The following RASA1 variants were observed in gnomAD, a reference collection of about 807,000 sequenced individuals.
The protein encoded by RASA1 is ras GTPase-activating protein 1.
RASA1 carries 25 observed loss-of-function variants against 132.2 expected under a neutral mutation model. The observed-to-expected ratio is 0.19, with a 90% confidence interval of 0.14 to 0.26. The LOEUF is 0.26. Ranked by LOEUF, RASA1 falls within the 10% of genes least tolerant of loss-of-function variation. The pLI, the probability that RASA1 is intolerant of heterozygous loss-of-function variation, is 1.00. For synonymous variants in RASA1, 477 were observed against 449.9 expected (o/e 1.06, Z -0.76); for missense variants, 964 against 1,299.2 (o/e 0.74, Z 3.97).
intron 1 of RASA1, chr5:87,294,055 G>A (rs1322084094): frequency 6.6e-6 from 1 of 151,866 alleles, no homozygotes; most frequent in Admixed American, 6.6e-5. Context: ...TTGATTTCCT[G>A]TTATCAATTC....
chr5:87,361,954 T>C (rs1760131446), intron 9 of RASA1, among the ~76,000 whole-genome samples: 1 of 152,168 alleles, frequency 6.6e-6, no homozygotes, highest in African/African-American at 2.4e-5. Flanking sequence ...AGCATGGGAA[T>C]GTTGCAGAGT....
In RASA1 at chr5:87,383,924, C is replaced by T. The variant is rs1486233680; in HGVS notation, c.2758+144C>T. On this transcript the variant is annotated intron_variant, in intron 21 of 24. Transcript: ENST00000274376. ...ATATGAAGTATTCCAAAGCACCCTTCCTTCCTTGTGCTTGTGCTTCTTGGG... is the reference window on the plus strand; with the variant it reads ...ATATGAAGTATTCCAAAGCACCCTTTCTTCCTTGTGCTTGTGCTTCTTGGG... 8 of 737,802 alleles carry T rather than the reference C, an allele frequency of 1.1e-5. No individual in the cohort carries two copies. In the Admixed American group the frequency reaches 1.1e-4, roughly 10 times the overall value. The allele number at this position is 737,802 out of a possible 1,614,324, so 45.7% of individuals were successfully genotyped here. A position where few individuals can be genotyped will look rare whatever the true frequency, so the allele number is the denominator to read the frequency against.
chr5:87,381,169 G>A (rs571179776), intron 20 of RASA1, among the ~76,000 whole-genome samples: 2 of 152,152 alleles, frequency 1.3e-5, no homozygotes, highest in Non-Finnish European at 1.5e-5. Flanking sequence ...GGGAGCTTAC[G>A]TAAGGTTACT....
In RASA1 at chr5:87,391,789, A is replaced by G. The variant is rs1762545599; in HGVS notation, c.*906A>G. The stretch of plus-strand genomic sequence containing the variant: ...AGCTGCCTAACTTATCCATCTTTGA[A>G]CTTCTGACTACTTGTTGTATCTGCT... On this transcript the variant is annotated 3_prime_UTR_variant, in exon 25 of 25. Transcript: ENST00000274376. 1 of 231,704 alleles carries G rather than the reference A, an allele frequency of 4.3e-6. No individual in the cohort carries two copies. The highest frequency in any genetic ancestry group is 5.6e-5 in the Admixed American group (1 of 17,756). The allele number at this position is 231,704 out of a possible 1,614,324, so 14.4% of individuals were successfully genotyped here.
chr5:87,386,699 G>T, intron 22 of RASA1, 127 bp from the exon 23 acceptor site: 1 of 759,736 alleles, frequency 1.3e-6, no homozygotes, highest in East Asian at 2.6e-5. Context: ...TATGGGTTTT[G>T]CTATATTAAT....
Position 87,339,432 on chromosome 5 carries a change from A to G in RASA1, c.1017+1341A>G, listed in dbSNP as rs150727095. ...ATTCGTACTGAAGCATCTTACTATG[A>G]TAGTTTTCCTATAAAATTTGTTAGT... On this transcript the variant is annotated intron_variant, in intron 5 of 24. Coordinates refer to ENST00000274376, the MANE Select transcript of RASA1 (RefSeq NM_002890.3). Among the ~76,000 whole-genome samples the G allele has an allele frequency of 2.6e-3, 403 of 152,272 alleles. 5 individuals are homozygous for G. The highest frequency in any genetic ancestry group is 7.9e-3 in the East Asian group (41 of 5,176).
chr5:87,338,525 ATATATATAAAATT>A (rs1393433244), intron 5 of RASA1, among the ~76,000 whole-genome samples: 1 of 98,310 alleles, frequency 1.0e-5, no homozygotes, highest in African/African-American at 4.1e-5. Context: ...ATATATATAT[ATATATATAAAATT>A]TTTTTTTTTT....
At chr5:87,296,960 CTCTTTTTTTTCTTT>C (rs1462803941) in intron 1 of RASA1, among the ~76,000 whole-genome samples, 1 of 151,928 alleles carries the variant, frequency 6.6e-6, no homozygotes, top group Non-Finnish European at 1.5e-5. Context: ...TCTTTTTCCT[CTCTTTTTTTTCTTT>C]GCTTTTCAGT....
chr5:87,358,349 TCAA>T (rs993090202), intron 9 of RASA1, among the ~76,000 whole-genome samples: 3 of 152,350 alleles, frequency 2.0e-5, no homozygotes, highest in Admixed American at 6.5e-5. Context: ...TTTAATTTTC[TCAA>T]CAACTTTACC....
At chr5:87,332,436 C>T in intron 2 of RASA1, 71 bp from the exon 3 acceptor site, 1 of 1,431,552 alleles carries the variant, frequency 7.0e-7, no homozygotes, top group Non-Finnish European at 9.7e-7. Flanking sequence ...TTTATAATTT[C>T]TTTATAAAAC....
rs553921912 is a variant in RASA1, at chr5:87,287,278, T to C, written c.539+18288T>C. ...ATACACACCATATACACCGTATATA[T>C]ACACACCATATATATACACCATATA... On this transcript the variant is annotated intron_variant, in intron 1 of 24. Transcript: ENST00000274376. Among the ~76,000 whole-genome samples the C allele has an allele frequency of 4.1e-5, 6 of 147,108 alleles. 1 individual carries two copies. The East Asian group carries it at 1.2e-3, about 30-fold the overall frequency.
At chr5:87,287,116 A>G (rs1037784822) in intron 1 of RASA1, among the ~76,000 whole-genome samples, 20 of 146,138 alleles carry the variant, frequency 1.4e-4, no homozygotes, top group South Asian at 4.3e-4. Flanking sequence ...TATACACACC[A>G]TATATATACA....
chr5:87,340,894 T>C (rs909842937), intron 5 of RASA1, among the ~76,000 whole-genome samples: 3 of 152,086 alleles, frequency 2.0e-5, no homozygotes, highest in African/African-American at 7.2e-5. Flanking sequence ...ACAGGAAATG[T>C]AGACTTGAGT....
At chr5:87,287,515 C>CAT (rs1211810327) in intron 1 of RASA1, among the ~76,000 whole-genome samples, 4 of 142,446 alleles carry the variant, frequency 2.8e-5, no homozygotes, top group Admixed American at 7.0e-5. Context: ...ATATACCCAC[C>CAT]ATATATATAC....
chr5:87,297,728 A>G (rs1195544935), intron 1 of RASA1, among the ~76,000 whole-genome samples: 4 of 152,204 alleles, frequency 2.6e-5, no homozygotes, highest in Admixed American at 2.6e-4. Context: ...CAGAAGCACA[A>G]AGGGATTTTT....
chr5:87,350,056 C>T (rs1242511557), intron 8 of RASA1, among the ~76,000 whole-genome samples: 1 of 151,720 alleles, frequency 6.6e-6, no homozygotes, highest in African/African-American at 2.4e-5. Flanking sequence ...CTTATATTTG[C>T]CTAGTTTAAC....
At chr5:87,269,405 T>A in intron 1 of RASA1, 1 of 1,220,376 alleles carries the variant, frequency 8.2e-7, no homozygotes, top group African/African-American at 1.5e-5. Context: ...TACAGGTGTT[T>A]AAACGAGTAC....
intron 11 of RASA1, among the ~76,000 whole-genome samples, chr5:87,366,807 T>A (rs1760556345): frequency 1.3e-5 from 2 of 152,164 alleles, no homozygotes; most frequent in African/African-American, 4.8e-5. Context: ...CAAGGTGGGC[T>A]GATCGCTTAA....
chr5:87,374,435 C>A, intron 14 of RASA1, 115 bp downstream of exon 14: 81 of 534,562 alleles, frequency 1.5e-4, no homozygotes, highest in Non-Finnish European at 2.1e-4. Context: ...TCCAGGTGTT[C>A]TAATAGCATA....
Sources: gnomAD v4.1 joint callset for allele counts (sites outside exome capture counted in the v4.1 genomes callset) on GRCh38, gnomAD v4.1.1 for gene constraint, MANE v1.5 for transcripts, NCBI Gene and HGNC (gene_info 2026-07-23, HGNC 2026-07-21) for gene names.